Variants in C11orf58 observed in about 807,000 individuals in gnomAD.
C11orf58 encodes the protein chromosome 11 open reading frame 58.
In C11orf58, 5 loss-of-function variants were observed where a neutral mutation model predicts 22.7. The ratio of observed to expected loss-of-function variants is 0.22; its 90% CI spans 0.12 to 0.46. C11orf58 has a LOEUF of 0.46. Ranked by LOEUF, C11orf58 falls within the 20% of genes least tolerant of loss-of-function variation. The probability of loss-of-function intolerance (pLI) is 0.99; values close to 1 mark genes in which losing one functional copy is unlikely to be tolerated. For missense variants in C11orf58, 151 were observed against 223.3 expected (o/e 0.68, Z 2.06); for synonymous variants, 71 against 70.7 (o/e 1.00, Z -0.02).
chr11:16,747,613 G>C (rs1438743933), intron 2 of C11orf58: 1 of 152,454 alleles, frequency 6.6e-6, no homozygotes, highest in Non-Finnish European at 1.5e-5. Flanking sequence ...GTGATATACT[G>C]TAATAAGATC....
In C11orf58 at chr11:16,756,560, C is replaced by G. The variant is rs916152635; in HGVS notation, c.*1456C>G. On this transcript the variant is annotated 3_prime_UTR_variant, in exon 5 of 5. Coordinates refer to ENST00000228136, the MANE Select transcript of C11orf58 (RefSeq NM_014267.6). Reference sequence around the variant, plus strand: ...CTGGGATTACAGGCGTGAGCCACCACGCCCAGCCTTGGAGTGTTGGAATTT... The same window carrying G: ...CTGGGATTACAGGCGTGAGCCACCAGGCCCAGCCTTGGAGTGTTGGAATTT... 1.3e-5 allele frequency among the ~76,000 whole-genome samples: 2 copies of G among 151,488 alleles called. No homozygotes were observed. The highest frequency in any genetic ancestry group is 2.9e-5 in the Non-Finnish European group (2 of 67,842).
chr11:16,752,162 C>T, intron 3 of C11orf58: 1 of 181,696 alleles, frequency 5.5e-6, no homozygotes, highest in Middle Eastern at 2.3e-3. Context: ...GCTCCCACTG[C>T]TTCTACATTA....
chr11:16,749,820 T>A (rs1848517232), intron 3 of C11orf58: 1 of 152,190 alleles, frequency 6.6e-6, no homozygotes, highest in South Asian at 2.1e-4. Flanking sequence ...ATCAATCAAC[T>A]GCTTGCAGAC....
intron 3 of C11orf58, chr11:16,751,792 A>C (rs1848535527): frequency 6.6e-6 from 1 of 152,264 alleles, no homozygotes; most frequent in Non-Finnish European, 1.5e-5. Context: ...CGAACTGGGA[A>C]GGAATGGATT....
intron 1 of C11orf58, among the ~76,000 whole-genome samples, chr11:16,744,050 T>TAAA (rs554214406): frequency 9.2e-6 from 1 of 108,152 alleles, no homozygotes; most frequent in Non-Finnish European, 2.0e-5. Context: ...CTAGAACTGC[T>TAAA]AAAAAAAAAA....
intron 4 of C11orf58, chr11:16,754,023 A>C (rs1319733239): frequency 2.3e-6 from 1 of 427,356 alleles, no homozygotes; most frequent in Non-Finnish European, 4.2e-6. Flanking sequence ...CGTGAACAAC[A>C]ACATGCTCAC....
At chr11:16,742,026 C>T (rs563786205) in intron 1 of C11orf58, among the ~76,000 whole-genome samples, 23 of 152,298 alleles carry the variant, frequency 1.5e-4, no homozygotes, top group Admixed American at 1.5e-3. Flanking sequence ...TCCCTGATGC[C>T]AGTCTGGTCC....
chr11:16,753,593 G>T (rs1020825172), intron 4 of C11orf58, among the ~76,000 whole-genome samples: 1 of 151,956 alleles, frequency 6.6e-6, no homozygotes, highest in Admixed American at 6.6e-5. Context: ...GAACTACTGA[G>T]CTCAGGCAAT....
In C11orf58 at chr11:16,757,316, T is replaced by G. The variant is rs1190248929; in HGVS notation, c.*2212T>G. ...TATTTTCAGTTCATTATTTAAATGT[T>G]GGGTTGTTGATATGGTCTTGTTTCT... is the stretch of plus-strand genomic sequence containing the variant. On this transcript the variant is annotated 3_prime_UTR_variant, in exon 5 of 5. Coordinates refer to ENST00000228136, the MANE Select transcript of C11orf58 (RefSeq NM_014267.6). Among the ~76,000 whole-genome samples, 2 of 152,206 alleles carry G rather than the reference T, an allele frequency of 1.3e-5. No individual in the cohort carries two copies. The highest frequency in any genetic ancestry group is 2.9e-5 in the Non-Finnish European group (2 of 68,038).
intron 2 of C11orf58, among the ~76,000 whole-genome samples, chr11:16,745,868 CTCT>C (rs1328166792): frequency 6.6e-6 from 1 of 152,016 alleles, no homozygotes; most frequent in Non-Finnish European, 1.5e-5. Flanking sequence ...AGCTTTTTTT[CTCT>C]TTTTTTAAGC....
chr11:16,744,639 T>C lies in C11orf58; in HGVS notation c.102T>C (p.Asn34=). 1 of 1,613,966 alleles carries C rather than the reference T, an allele frequency of 6.2e-7. No homozygotes were observed. Among genetic ancestry groups the C allele is most frequent in the East Asian group, 2.2e-5 (1 of 44,860 alleles). The change falls in exon 2 of 5, where the codon AAT becomes AAC. Residue 34 remains asparagine (N), a synonymous_variant. Coordinates refer to ENST00000228136, the MANE Select transcript of C11orf58 (RefSeq NM_014267.6). ...SSNWEAADLG[N]EERKQKFLRL... Reference sequence around the variant, plus strand: ...ATTGGGAGGCAGCAGACTTGGGTAATGAAGAGAGAAAACAAAAGTTCTTGA... The same window carrying C: ...ATTGGGAGGCAGCAGACTTGGGTAACGAAGAGAGAAAACAAAAGTTCTTGA...
chr11:16,752,970 T>A, intron 4 of C11orf58, 76 bp downstream of exon 4: 1 of 1,136,280 alleles, frequency 8.8e-7, no homozygotes, highest in Non-Finnish European at 1.3e-6. Flanking sequence ...TAGATTACCC[T>A]AGCAATCAAG....
chr11:16,744,549 G>T, intron 1 of C11orf58, 52 bp from the exon 2 acceptor site: 1 of 1,450,524 alleles, frequency 6.9e-7, no homozygotes, highest in Admixed American at 1.7e-5. Flanking sequence ...TTTAGATTTC[G>T]TAATACTTAT....
chr11:16,753,558 T>C (rs1848550263), intron 4 of C11orf58, among the ~76,000 whole-genome samples: 1 of 152,124 alleles, frequency 6.6e-6, no homozygotes, highest in Non-Finnish European at 1.5e-5. Flanking sequence ...AGATAGGGTT[T>C]CACCATGTTG....
At chr11:16,740,807 TAGC>T (rs1471083099) in intron 1 of C11orf58, among the ~76,000 whole-genome samples, 38 of 140,064 alleles carry the variant, frequency 2.7e-4, no homozygotes, top group Non-Finnish European at 4.6e-4. Context: ...AAAAAAAAAC[TAGC>T]AGGCCGGGCG....
intron 3 of C11orf58, 170 bp downstream of exon 3, chr11:16,748,327 T>C (rs1356040970): frequency 5.7e-6 from 3 of 529,448 alleles, no homozygotes; most frequent in African/African-American, 3.9e-5. Context: ...ATTTGGGAGG[T>C]TAAAGTGGGA....
intron 1 of C11orf58, among the ~76,000 whole-genome samples, chr11:16,743,075 A>G (rs1328814166): frequency 6.6e-6 from 1 of 152,228 alleles, no homozygotes; most frequent in African/African-American, 2.4e-5. Flanking sequence ...TTTGAAACCT[A>G]TTGCTTACAA....
chr11:16,751,327 C>T (rs1848531004), intron 3 of C11orf58: 1 of 152,044 alleles, frequency 6.6e-6, no homozygotes, highest in South Asian at 2.1e-4. Context: ...GGGGAGAAAC[C>T]TCGTCTTTAC....
At chr11:16,742,137 A>G (rs1362046934) in intron 1 of C11orf58, among the ~76,000 whole-genome samples, 3 of 152,242 alleles carry the variant, frequency 2.0e-5, no homozygotes, top group African/African-American at 7.2e-5. Flanking sequence ...AGTTATTTAT[A>G]TAAACACTGA....
Sources: allele counts gnomAD v4.1 joint callset (sites outside exome capture counted in the v4.1 genomes callset), GRCh38; gene constraint gnomAD v4.1.1; transcripts MANE v1.5; gene names NCBI Gene and HGNC (gene_info 2026-07-23, HGNC 2026-07-21).